Variants in DYNC1LI2 observed in about 807,000 individuals in gnomAD.
DYNC1LI2 encodes cytoplasmic dynein 1 light intermediate chain 2.
In DYNC1LI2, 19 loss-of-function variants were observed where a neutral mutation model predicts 57.8. That is an observed-to-expected ratio of 0.33 (90% CI 0.23 to 0.48). DYNC1LI2 has a LOEUF of 0.48. DYNC1LI2 is among the 20% of genes least tolerant of loss of function. The pLI, the probability that DYNC1LI2 is intolerant of heterozygous loss-of-function variation, is 0.99. For missense variants in DYNC1LI2, 470 were observed against 604.2 expected (o/e 0.78, Z 2.33); for synonymous variants, 256 against 233.4 (o/e 1.10, Z -0.88).
At position 66,751,554 on chromosome 16, in the gene DYNC1LI2, C is replaced by T. The variant is rs1353077627; in HGVS notation, c.38G>A (p.Gly13Asp). ...PVGVEKKLLL[G>D]PNGPAVAAAG... ...GGCCGCCACCGCGGGCCCGTTGGGA[C>T]CTAGCAGCAGCTTCTTCTCCACCCC... is the stretch of plus-strand genomic sequence containing the variant. The change falls in exon 1 of 13, where the codon GGT becomes GAT. Residue 13 changes from glycine to aspartate, a missense_variant. Physicochemically the swap from Gly to Asp is moderately conservative, Grantham distance 94. Coordinates refer to ENST00000258198, the MANE Select transcript of DYNC1LI2 (RefSeq NM_006141.3). This position sits in a 1 kb window ranked among gnomAD's most constrained non-coding sequence, Gnocchi z 5.2. 3.8e-6 allele frequency: 6 copies of T among 1,585,928 alleles called. No homozygotes were observed. The highest frequency in any genetic ancestry group is 5.1e-6 in the Non-Finnish European group (6 of 1,168,604).
rs769016434 is a variant in DYNC1LI2, at chr16:66,734,281, G to A, written c.730C>T (p.His244Tyr). Residue 244 changes from histidine (H) to tyrosine (Y), a missense_variant, in exon 6 of 13, where the codon CAC (histidine) becomes TAC (tyrosine). Transcript: ENST00000258198. ...TCCAAATGCTCATCCCTGTAATCGT[G>A]CTCCTTCTCCAGGACACTCACCGCA... is the stretch of plus-strand genomic sequence containing the variant. ...CDAVSVLEKEHDYRDEHLDFI... is the reference protein window; with the variant it reads ...CDAVSVLEKEYDYRDEHLDFI... 1 of 1,614,100 alleles carries A rather than the reference G, an allele frequency of 6.2e-7. No homozygotes were observed. Among genetic ancestry groups the A allele is most frequent in the Admixed American group, 1.7e-5 (1 of 60,016 alleles).
chr16:66,732,147 C>T, intron 7 of DYNC1LI2, 192 bp downstream of exon 7: 3 of 648,256 alleles, frequency 4.6e-6, no homozygotes, highest in South Asian at 3.5e-5. Context: ...AGAAAGGCAG[C>T]ACCCCTGACC....
chr16:66,729,014 T>C, intron 9 of DYNC1LI2, 26 bp downstream of exon 9: 1 of 1,613,816 alleles, frequency 6.2e-7, no homozygotes, highest in Non-Finnish European at 8.5e-7. Context: ...AGAAGGCCTC[T>C]GTTCTAACCT....
At position 66,723,804 on chromosome 16, in the gene DYNC1LI2, G is replaced by T. The variant is rs1235511823; in HGVS notation, c.1397C>A (p.Ser466Ter). The change falls in exon 13 of 13, where the codon TCA becomes TAA. Residue 466 changes from serine (S) to a stop codon, truncating the protein, a stop_gained. Coordinates refer to ENST00000258198, the MANE Select transcript of DYNC1LI2 (RefSeq NM_006141.3). LOFTEE classifies it high-confidence loss of function. ...TCTATCCAGTTCTTCCTGAACATTTGACAACACAGTCTTTTGTCCTGAAAA... is the reference window on the plus strand; with the variant it reads ...TCTATCCAGTTCTTCCTGAACATTTTACAACACAGTCTTTTGTCCTGAAAA... ...AKKSGQKTVL[S>*]NVQEELDRMT... 2 of 1,596,554 alleles carry T rather than the reference G, an allele frequency of 1.3e-6. No individual in the cohort carries two copies. Among genetic ancestry groups the T allele is most frequent in the Admixed American group, 1.8e-5 (1 of 57,062 alleles).
chr16:66,748,951 G>C (rs2017989874), intron 3 of DYNC1LI2, among the ~76,000 whole-genome samples: 1 of 152,172 alleles, frequency 6.6e-6, no homozygotes, highest in South Asian at 2.1e-4. Context: ...TTTATCTTCA[G>C]TATCTCTTTT....
At chr16:66,730,015 A>C in intron 8 of DYNC1LI2, 97 bp downstream of exon 8, 1 of 983,518 alleles carries the variant, frequency 1.0e-6, no homozygotes. Flanking sequence ...TCCTGACCTC[A>C]TGTGATCTGC....
At chr16:66,738,881 ACAAACACACAC>A (rs1050473587) in intron 4 of DYNC1LI2, 1 of 94,056 alleles carries the variant, frequency 1.1e-5, no homozygotes, top group Non-Finnish European at 2.0e-5. Context: ...TCAAAAAAAA[ACAAACACACAC>A]ACACACACAC....
At chr16:66,747,368 G>A (rs955994333) in intron 3 of DYNC1LI2, among the ~76,000 whole-genome samples, 4 of 151,904 alleles carry the variant, frequency 2.6e-5, no homozygotes, top group Non-Finnish European at 4.4e-5. Context: ...GAGCCACCGC[G>A]CCCAGCCACC....
At chr16:66,723,988 A>G (rs1717413950) in intron 12 of DYNC1LI2, among the ~76,000 whole-genome samples, 166 bp from the exon 13 acceptor site, 1 of 152,128 alleles carries the variant, frequency 6.6e-6, no homozygotes, top group African/African-American at 2.4e-5. Context: ...GGAGACCCCA[A>G]CTCGGCACAT....
At chr16:66,748,431 T>C (rs187462596) in intron 3 of DYNC1LI2, among the ~76,000 whole-genome samples, 2 of 151,838 alleles carry the variant, frequency 1.3e-5, no homozygotes, top group African/African-American at 4.8e-5. Flanking sequence ...CTTATAAGAG[T>C]GTTTATCATG....
intron 12 of DYNC1LI2, among the ~76,000 whole-genome samples, chr16:66,724,063 T>A (rs1177298712): frequency 1.3e-5 from 2 of 152,146 alleles, no homozygotes; most frequent in African/African-American, 2.4e-5. Flanking sequence ...GACTGCTCTC[T>A]GGCGGGGGGT....
chr16:66,728,066 G>A (rs1349201941), intron 10 of DYNC1LI2, 135 bp downstream of exon 10: 6 of 1,209,246 alleles, frequency 5.0e-6, no homozygotes, highest in Non-Finnish European at 7.0e-6. Flanking sequence ...TTCTGGTCAT[G>A]GGTCTTTAGG....
chr16:66,750,792 A>T (rs2018031185), intron 2 of DYNC1LI2, among the ~76,000 whole-genome samples: 1 of 152,140 alleles, frequency 6.6e-6, no homozygotes, highest in Admixed American at 6.5e-5. Context: ...CCTAGCAGTG[A>T]GGGCTAGCAT....
intron 6 of DYNC1LI2, chr16:66,732,914 C>T (rs558685166): frequency 2.6e-5 from 4 of 152,722 alleles, no homozygotes; most frequent in Admixed American, 2.6e-4. Context: ...ATCATTAAAC[C>T]CATCTTTTGA....
At chr16:66,734,160 G>T in intron 6 of DYNC1LI2, 58 bp downstream of exon 6, 1 of 1,540,544 alleles carries the variant, frequency 6.5e-7, no homozygotes, top group Non-Finnish European at 8.9e-7. Context: ...TCTCTTTGAA[G>T]ATGCCCCATT....
At chr16:66,724,372 G>C (rs1362971265) in intron 12 of DYNC1LI2, among the ~76,000 whole-genome samples, 1 of 152,118 alleles carries the variant, frequency 6.6e-6, no homozygotes, top group Non-Finnish European at 1.5e-5. Flanking sequence ...CTATTTCCCA[G>C]AAGGGAATAC....
Position 66,732,436 on chromosome 16 carries a change from T to C in DYNC1LI2, c.832A>G (p.Lys278Glu). 2 of 1,613,676 alleles carry C rather than the reference T, an allele frequency of 1.2e-6. No individual in the cohort carries two copies. The highest frequency in any genetic ancestry group is 1.7e-6 in the Non-Finnish European group (2 of 1,179,998). ...ALIYTSVKEE[K>E]NLDLLYKYIV... is the part of the protein sequence containing the mutation. ...TACTTATACAACAAGTCGAGGTTTTTCTCTTCTTTCACTGATGTGTAAATC... is the reference window on the plus strand; with the variant it reads ...TACTTATACAACAAGTCGAGGTTTTCCTCTTCTTTCACTGATGTGTAAATC... Residue 278 changes from lysine (K) to glutamate (E), a missense_variant, in exon 7 of 13, where the codon AAA becomes GAA. Transcript: ENST00000258198.
At chr16:66,729,465 T>C (rs532302774) in intron 8 of DYNC1LI2, among the ~76,000 whole-genome samples, 1 of 152,016 alleles carries the variant, frequency 6.6e-6, no homozygotes, top group Non-Finnish European at 1.5e-5. Flanking sequence ...CTGAGCCATT[T>C]ACATAACGCC....
rs2018041156 is a variant in DYNC1LI2 at position 66,751,145 on chromosome 16, G to A, written c.181+128C>T. 1.8e-6 allele frequency: 2 copies of A among 1,113,074 alleles called. No individual in the cohort carries two copies. The highest frequency in any genetic ancestry group is 5.4e-5 in the East Asian group (2 of 37,074). The allele number at this position is 1,113,074 out of a possible 1,614,324, so 68.9% of individuals were successfully genotyped here. ...GACCACTCTCCAGCTGACCGGCCAG[G>A]GCCGACGGTCCCTTTCCCGCCAGGC... On this transcript the variant is annotated intron_variant, in intron 2 of 12. Coordinates refer to ENST00000258198, the MANE Select transcript of DYNC1LI2 (RefSeq NM_006141.3). This position sits in a 1 kb window ranked among gnomAD's most constrained non-coding sequence, Gnocchi z 5.2.
Sources: gnomAD v4.1 joint callset for allele counts (sites outside exome capture counted in the v4.1 genomes callset) on GRCh38, gnomAD v4.1.1 for gene constraint, Gnocchi (gnomAD v3.1) non-coding constraint, MANE v1.5 for transcripts, NCBI Gene and HGNC (gene_info 2026-07-23, HGNC 2026-07-21) for gene names.